The following HSD17B4 variants were observed in gnomAD, a reference collection of about 807,000 sequenced individuals.
HSD17B4 encodes hydroxysteroid 17-beta dehydrogenase 4, also known as peroxisomal multifunctional enzyme type 2.
In HSD17B4, 70 loss-of-function variants were observed where a neutral mutation model predicts 101.0. That is an observed-to-expected ratio of 0.69 (90% CI 0.57 to 0.85). HSD17B4 has a LOEUF of 0.85. Ranked by LOEUF, HSD17B4 falls within the 40% of genes least tolerant of loss-of-function variation. HSD17B4 has a pLI of 0.00. For missense variants in HSD17B4, 984 were observed against 892.4 expected, an observed-to-expected ratio of 1.10 and a Z score of -1.31; for synonymous variants, 347 against 297.1, an observed-to-expected ratio of 1.17 and a Z score of -1.73.
At position 119,541,941 on chromosome 5, in the gene HSD17B4, A is replaced by G. The variant is rs773410311; in HGVS notation, c.2158A>G (p.Ile720Val). 1 of 1,613,404 alleles carries G rather than the reference A, an allele frequency of 6.2e-7. No homozygotes were observed. The highest frequency in any genetic ancestry group is 1.1e-5 in the South Asian group (1 of 91,068). The stretch of plus-strand genomic sequence containing the variant: ...TGGCAGGCTGAAGGCCAGAGGGAAC[A>G]TCATGCTGAGCCAGAAACTTCAGAT... The part of the protein sequence containing the change: ...FSGRLKARGN[I>V]MLSQKLQMIL... Residue 720 changes from isoleucine (I) to valine (V), a missense_variant, in exon 24 of 24, where the codon ATC becomes GTC. Ile to Val is a conservative substitution (Grantham distance 29). Transcript: ENST00000510025.
chr5:119,523,829 G>T (rs1753332074), intron 17 of HSD17B4, among the ~76,000 whole-genome samples: 1 of 152,024 alleles, frequency 6.6e-6, no homozygotes, highest in Non-Finnish European at 1.5e-5. Flanking sequence ...AGTAAGTTCT[G>T]TTAGCCTCTA....
Position 119,475,700 on chromosome 5 carries a change from T to C in HSD17B4, c.281-6T>C. On this transcript the variant is annotated splice_polypyrimidine_tract_variant and splice_region_variant and intron_variant, in intron 4 of 23. Transcript: ENST00000510025. ...TAGATGTAACTTGTATCTTTTTATA[T>C]TGTAGATGTTGTGGTCAACAATGCT... 1 of 1,586,588 alleles carries C rather than the reference T, an allele frequency of 6.3e-7. No homozygotes were observed. Among genetic ancestry groups the C allele is most frequent in the South Asian group, 1.1e-5 (1 of 90,422 alleles).
At chr5:119,463,524 T>TA (rs1478778721) in intron 2 of HSD17B4, among the ~76,000 whole-genome samples, 2 of 142,208 alleles carry the variant, frequency 1.4e-5, no homozygotes, top group East Asian at 4.0e-4. Context: ...CCTTTGTTAT[T>TA]TTTTTTTTTT....
Position 119,517,432 on chromosome 5 carries a change from G to A in HSD17B4, c.1503+2386G>A, listed in dbSNP as rs553745720. ...TGCAGCTCGAGCCTCCCTGAGGAGT[G>A]CCACCCCCTGCTCCACGGCGCCCAG... On this transcript the variant is annotated intron_variant, in intron 17 of 23. Transcript: ENST00000510025. Among the ~76,000 whole-genome samples, 24 of 152,316 alleles carry A rather than the reference G, an allele frequency of 1.6e-4. No homozygotes were observed. The East Asian group carries it at 4.6e-3, about 30-fold the overall frequency.
chr5:119,514,298 C>A (rs1250445683), intron 16 of HSD17B4, among the ~76,000 whole-genome samples: 5 of 152,056 alleles, frequency 3.3e-5, no homozygotes, highest in Non-Finnish European at 7.4e-5. Flanking sequence ...TCACTAATTT[C>A]TTAACTCTCT....
intron 2 of HSD17B4, among the ~76,000 whole-genome samples, chr5:119,460,096 C>G (rs1048253396): frequency 6.6e-6 from 1 of 151,466 alleles, no homozygotes; most frequent in Non-Finnish European, 1.5e-5. Context: ...AGGATGGTCT[C>G]GATCTCCTGA....
In HSD17B4 at chr5:119,452,633, G is replaced by A. The variant is rs1754165225; in HGVS notation, c.58G>A (p.Gly20Arg). ...GGTACTGGTCACCGGCGCGGGGGCAGGTGAGCATGCGAAGGTTGGAGGCCG... is the reference window on the plus strand; with the variant it reads ...GGTACTGGTCACCGGCGCGGGGGCAAGTGAGCATGCGAAGGTTGGAGGCCG... ...RVVLVTGAGA[G>R]LGRAYALAFA... Residue 20 changes from glycine to arginine, a missense_variant and splice_region_variant, in exon 1 of 24, where the codon GGA becomes AGA. Gly to Arg is a moderately radical substitution (Grantham distance 125, BLOSUM62 -2). Coordinates refer to ENST00000510025, the MANE Select transcript of HSD17B4 (RefSeq NM_000414.4). 1 of 1,613,814 alleles carries A rather than the reference G, an allele frequency of 6.2e-7. No homozygotes were observed. Among genetic ancestry groups the A allele is most frequent in the African/African-American group, 1.3e-5 (1 of 74,934 alleles).
At position 119,527,156 on chromosome 5, in the gene HSD17B4, T is replaced by A. The variant is rs1038744864; in HGVS notation, c.1704T>A (p.Tyr568Ter). 27 of 1,605,676 alleles carry A rather than the reference T, an allele frequency of 1.7e-5. No individual in the cohort carries two copies. The highest frequency in any genetic ancestry group is 2.1e-5 in the Non-Finnish European group (25 of 1,172,890). The part of the protein sequence containing the change: ...AIKARFAKPV[Y>*]PGQTLQTEMW... ...AGGCTCGTTTTGCAAAACCAGTATA[T>A]CCAGGACAAACTCTACAAACTGAGA... The change falls in exon 20 of 24, where the codon TAT becomes TAA. Residue 568 changes from tyrosine (Y) to a stop codon, truncating the protein, a stop_gained. Coordinates refer to ENST00000510025, the MANE Select transcript of HSD17B4 (RefSeq NM_000414.4). LOFTEE classifies it high-confidence loss of function.
chr5:119,506,795 ATTTC>A lies in HSD17B4; in HGVS notation c.1262-19_1262-16del. On this transcript the variant is annotated intron_variant, in intron 14 of 23. Coordinates refer to ENST00000510025, the MANE Select transcript of HSD17B4 (RefSeq NM_000414.4). ...TAATCTTTGGTTTTTAAGACACTGTATTTCTTTTACTTTTCTTTCTAGGAAAATT... is the reference window on the plus strand; with the variant it reads ...TAATCTTTGGTTTTTAAGACACTGTATTTTACTTTTCTTTCTAGGAAAATT... 1 of 1,371,790 alleles carries A rather than the reference ATTTC, an allele frequency of 7.3e-7. No homozygotes were observed. The highest frequency in any genetic ancestry group is 1.0e-6 in the Non-Finnish European group (1 of 961,660). The allele number at this position is 1,371,790 out of a possible 1,614,324, so 85.0% of individuals were successfully genotyped here.
intron 2 of HSD17B4, among the ~76,000 whole-genome samples, chr5:119,457,940 C>T (rs569782988): frequency 6.6e-6 from 1 of 152,164 alleles, no homozygotes; most frequent in Admixed American, 6.5e-5. Context: ...AGTTTATAAA[C>T]CTGTTTTGTA....
At chr5:119,526,539 T>C (rs577083825) in intron 19 of HSD17B4, among the ~76,000 whole-genome samples, 4 of 152,086 alleles carry the variant, frequency 2.6e-5, no homozygotes, top group Non-Finnish European at 4.4e-5. Context: ...AGCCAAAAGA[T>C]GTACACTTAA....
Position 119,465,997 on chromosome 5 carries a change from CT to C in HSD17B4, c.113-7909del, listed in dbSNP as rs1401062671. On this transcript the variant is annotated intron_variant, in intron 2 of 23. Transcript: ENST00000510025. ...ACCTTTGTTGTATTGAGGTACATTC[CT>C]TCTGTACCTAATTTGTTGAGAGTTT... Among the ~76,000 whole-genome samples the C allele has an allele frequency of 2.0e-5, 3 of 152,244 alleles. No individual in the cohort carries two copies. The East Asian group carries it at 5.8e-4, about 29-fold the overall frequency.
intron 14 of HSD17B4, 85 bp downstream of exon 14, chr5:119,502,177 T>C: frequency 1.1e-6 from 1 of 886,894 alleles, no homozygotes; most frequent in East Asian, 2.4e-5. Flanking sequence ...GTTAAACTGG[T>C]ATAGAGTGAC....
intron 6 of HSD17B4, among the ~76,000 whole-genome samples, chr5:119,476,071 G>C (rs1472246331): frequency 6.6e-6 from 1 of 152,158 alleles, no homozygotes; most frequent in Non-Finnish European, 1.5e-5. Flanking sequence ...TTTAAAAAAT[G>C]TTAAATCATT....
chr5:119,488,808 A>AT (rs1443609854), intron 8 of HSD17B4, among the ~76,000 whole-genome samples: 1 of 151,910 alleles, frequency 6.6e-6, no homozygotes, highest in Non-Finnish European at 1.5e-5. Flanking sequence ...CTGTTTTGTG[A>AT]TTTTCTAGAT....
At chr5:119,483,664 A>G (rs910689247) in intron 8 of HSD17B4, among the ~76,000 whole-genome samples, 1 of 152,184 alleles carries the variant, frequency 6.6e-6, no homozygotes, top group Admixed American at 6.5e-5. Context: ...CATAAGAGTA[A>G]AGAAAGTTAA....
intron 2 of HSD17B4, among the ~76,000 whole-genome samples, chr5:119,467,033 C>A (rs1408102549): frequency 6.6e-6 from 1 of 151,804 alleles, no homozygotes; most frequent in Non-Finnish European, 1.5e-5. Flanking sequence ...TCTTTGCTAC[C>A]CGTTGGTTAT....
intron 2 of HSD17B4, among the ~76,000 whole-genome samples, chr5:119,463,453 T>C (rs1352430442): frequency 6.6e-6 from 1 of 151,904 alleles, no homozygotes; most frequent in Non-Finnish European, 1.5e-5. Flanking sequence ...ATAATGGCTG[T>C]ACTAATTTAC....
intron 2 of HSD17B4, among the ~76,000 whole-genome samples, chr5:119,466,734 C>A (rs1430015251): frequency 6.6e-6 from 1 of 151,788 alleles, no homozygotes; most frequent in Non-Finnish European, 1.5e-5. Flanking sequence ...TTCAAAAAAC[C>A]AACTTTTTGT....
Sources: allele counts gnomAD v4.1 joint callset (sites outside exome capture counted in the v4.1 genomes callset), GRCh38; gene constraint gnomAD v4.1.1; transcripts MANE v1.5; gene names NCBI Gene and HGNC (gene_info 2026-07-23, HGNC 2026-07-21).